The following RARS2 variants were observed in gnomAD, a reference collection of about 807,000 sequenced individuals.
The protein encoded by RARS2 is arginyl-tRNA synthetase 2, mitochondrial.
A neutral mutation model predicts 88.5 loss-of-function variants in RARS2; 67 were observed. The ratio of observed to expected loss-of-function variants is 0.76; its 90% confidence interval spans 0.62 to 0.93. RARS2 has a LOEUF of 0.93. Among genes scored for constraint, RARS2 ranks in the 40% least tolerant of loss-of-function variants. The pLI is 0.00. For missense variants in RARS2, 664 were observed against 684.2 expected (o/e 0.97, Z 0.33); for synonymous variants, 239 against 230.3 (o/e 1.04, Z -0.34).
chr6:87,581,822 A>G (rs775704765), intron 1 of RARS2, among the ~76,000 whole-genome samples: 18 of 152,080 alleles, frequency 1.2e-4, no homozygotes, highest in Non-Finnish European at 2.2e-4. Flanking sequence ...CTCATTGTTC[A>G]GCTCACACTT....
intron 1 of RARS2, among the ~76,000 whole-genome samples, chr6:87,576,919 A>T (rs1771747604): frequency 6.6e-6 from 1 of 152,224 alleles, no homozygotes; most frequent in African/African-American, 2.4e-5. Flanking sequence ...TAAATCACAA[A>T]GATCATGATC....
rs2128000762 is a variant in RARS2, at chr6:87,518,724, G to A, written c.1321C>T (p.Leu441Phe). Residue 441 changes from leucine (L) to phenylalanine (F), a missense_variant, in exon 16 of 20, where the codon CTC becomes TTC. Leu to Phe is a conservative substitution (Grantham distance 22). Coordinates refer to ENST00000369536, the MANE Select transcript of RARS2 (RefSeq NM_020320.5). ...ALIIQDFKGLLLSDYKFSWDR... is the reference protein window; with the variant it reads ...ALIIQDFKGLFLSDYKFSWDR... Reference sequence around the variant, plus strand: ...CAGCTGAACTTGTAGTCAGATAAGAGTAAACCTTTGAAGTCCTAAAACGAC... The same window carrying A: ...CAGCTGAACTTGTAGTCAGATAAGAATAAACCTTTGAAGTCCTAAAACGAC... The A allele has an allele frequency of 6.2e-7, 1 of 1,614,042 alleles. No individual in the cohort carries two copies. Among genetic ancestry groups the A allele is most frequent in the East Asian group, 2.2e-5 (1 of 44,874 alleles).
At chr6:87,589,708 A>T in intron 1 of RARS2, 1 of 985,280 alleles carries the variant, frequency 1.0e-6, no homozygotes, top group Non-Finnish European at 1.2e-6. Flanking sequence ...TACCTTTCAA[A>T]GTTTACTTTT....
intron 1 of RARS2, among the ~76,000 whole-genome samples, chr6:87,574,651 A>T (rs1770823527): frequency 6.6e-6 from 1 of 152,178 alleles, no homozygotes. Context: ...AGATCAAAGA[A>T]CTCTGCCCAG....
At chr6:87,519,200 G>GTATA (rs1341342698) in intron 14 of RARS2, 3 of 272,270 alleles carry the variant, frequency 1.1e-5, no homozygotes, top group African/African-American at 7.3e-5. Context: ...GTGTGTGTGT[G>GTATA]TGTGTGTGTA....
intron 5 of RARS2, among the ~76,000 whole-genome samples, chr6:87,550,335 G>A (rs1032128229): frequency 8.5e-5 from 13 of 152,138 alleles, no homozygotes; most frequent in Non-Finnish European, 1.2e-4. Flanking sequence ...GAGTCCTAGC[G>A]CTGCACCACA....
At chr6:87,550,289 A>T (rs1440053579) in intron 5 of RARS2, among the ~76,000 whole-genome samples, 2 of 152,206 alleles carry the variant, frequency 1.3e-5, no homozygotes, top group African/African-American at 4.8e-5. Flanking sequence ...ATAGTCAGTG[A>T]AGGACTGTGA....
At chr6:87,539,493 G>A (rs1350951966) in intron 8 of RARS2, among the ~76,000 whole-genome samples, 1 of 152,230 alleles carries the variant, frequency 6.6e-6, no homozygotes, top group African/African-American at 2.4e-5. Context: ...TTAGGTGACA[G>A]CCTGTTCCTC....
chr6:87,571,983 AG>A (rs1769888346), intron 1 of RARS2, among the ~76,000 whole-genome samples: 1 of 152,182 alleles, frequency 6.6e-6, no homozygotes. Flanking sequence ...TTACAGAAGT[AG>A]GTAAATATTT....
chr6:87,566,201 G>GGA (rs1242251245), intron 2 of RARS2, among the ~76,000 whole-genome samples: 2 of 152,026 alleles, frequency 1.3e-5, no homozygotes, highest in Non-Finnish European at 2.9e-5. Flanking sequence ...TAGCAACAAG[G>GGA]GAATGTTACA....
intron 1 of RARS2, among the ~76,000 whole-genome samples, chr6:87,588,611 G>A (rs1280572617): frequency 6.6e-6 from 1 of 152,168 alleles, no homozygotes; most frequent in Non-Finnish European, 1.5e-5. Context: ...CTGGGCTCAA[G>A]CCATCCTCCC....
chr6:87,518,912 TATC>T, intron 14 of RARS2, 21 bp from the exon 15 acceptor site: 1 of 1,611,610 alleles, frequency 6.2e-7, no homozygotes, highest in African/African-American at 1.3e-5. Flanking sequence ...CAAAGGCAGC[TATC>T]TTTAGTCTAC....
chr6:87,569,532 G>A lies in RARS2; in HGVS notation c.95C>T (p.Pro32Leu). The A allele has an allele frequency of 6.3e-7, 1 of 1,599,908 alleles. No individual in the cohort carries two copies. Among genetic ancestry groups the A allele is most frequent in the Non-Finnish European group, 8.6e-7 (1 of 1,167,378 alleles). Residue 32 changes from proline to leucine, a missense_variant, in exon 2 of 20, where the codon CCA becomes CTA. By Grantham distance (98) the Pro-to-Leu change is moderately conservative (BLOSUM62 -3). Transcript: ENST00000369536. ...ENLITSISAV[P>L]ISQKEEVADF... ...TATACTTAACTCTTTTTGGGAAATT[G>A]GAACTGCAGATATTGATGTGATCAA...
intron 5 of RARS2, among the ~76,000 whole-genome samples, chr6:87,551,997 T>C (rs1784491823): frequency 6.6e-6 from 1 of 152,240 alleles, no homozygotes; most frequent in Non-Finnish European, 1.5e-5. Flanking sequence ...AAATCTATGA[T>C]GGACAGCCAT....
intron 10 of RARS2, among the ~76,000 whole-genome samples, chr6:87,525,203 A>G (rs1318907835): frequency 6.6e-6 from 1 of 152,200 alleles, no homozygotes; most frequent in African/African-American, 2.4e-5. Flanking sequence ...CTTTGGTACT[A>G]TGAAAAGTGA....
At chr6:87,562,470 G>C (rs1192630887) in intron 4 of RARS2, among the ~76,000 whole-genome samples, 1 of 152,204 alleles carries the variant, frequency 6.6e-6, no homozygotes, top group East Asian at 1.9e-4. Flanking sequence ...TGACTATACA[G>C]TGCTATGAGA....
chr6:87,563,945 A>G (rs1788629822), intron 3 of RARS2, among the ~76,000 whole-genome samples, 185 bp downstream of exon 3: 1 of 152,238 alleles, frequency 6.6e-6, no homozygotes, highest in Admixed American at 6.5e-5. Flanking sequence ...GGAGTGCTTT[A>G]TAACTAATCT....
intron 1 of RARS2, among the ~76,000 whole-genome samples, chr6:87,589,057 C>G (rs1387631262): frequency 6.6e-6 from 1 of 152,200 alleles, no homozygotes; most frequent in Non-Finnish European, 1.5e-5. Flanking sequence ...TCTAGAAATA[C>G]TGTAAAAATG....
At chr6:87,555,107 A>C (rs1043356119) in intron 5 of RARS2, among the ~76,000 whole-genome samples, 8 of 136,666 alleles carry the variant, frequency 5.9e-5, no homozygotes, top group Admixed American at 4.4e-4. Context: ...TCAAAAATAA[A>C]TAAATAAATA....
Sources: gnomAD v4.1 joint callset for allele counts (sites outside exome capture counted in the v4.1 genomes callset) on GRCh38, gnomAD v4.1.1 for gene constraint, MANE v1.5 for transcripts, NCBI Gene and HGNC (gene_info 2026-07-23, HGNC 2026-07-21) for gene names.